Variants in DCDC2C observed in about 807,000 individuals in gnomAD.
DCDC2C encodes the protein doublecortin domain-containing protein 2C.
Under a neutral mutation model 45.0 loss-of-function variants are expected in DCDC2C, and 44 were observed. The ratio of observed to expected loss-of-function variants is 0.98; its 90% CI spans 0.77 to 1.26. The LOEUF (loss-of-function observed/expected upper bound fraction) is 1.26. Ranked by LOEUF, DCDC2C falls within the 50% of genes most tolerant of loss-of-function variation. The probability of loss-of-function intolerance (pLI) is 0.00; values close to 1 mark genes in which losing one functional copy is unlikely to be tolerated. For missense variants in DCDC2C, 447 were observed against 468.9 expected (o/e 0.95, Z 0.43); for synonymous variants, 187 against 178.8 (o/e 1.05, Z -0.37).
chr2:3,711,234 A>G (rs915252620), intron 2 of DCDC2C, among the ~76,000 whole-genome samples: 93 of 152,348 alleles, frequency 6.1e-4, no homozygotes, highest in African/African-American at 2.2e-3. Flanking sequence ...CAGCATGGTG[A>G]CTGCTCAAAG....
chr2:3,778,918 G>A, intron 9 of DCDC2C, 34 bp downstream of exon 9: 1 of 1,536,556 alleles, frequency 6.5e-7, no homozygotes, highest in Non-Finnish European at 8.8e-7. Flanking sequence ...TAATGGCTTG[G>A]ATCTAAGGCA....
intron 3 of DCDC2C, among the ~76,000 whole-genome samples, chr2:3,740,939 G>A (rs1669187207): frequency 6.6e-6 from 1 of 152,124 alleles, no homozygotes; most frequent in South Asian, 2.1e-4. Context: ...GAATTGCAAA[G>A]TTGAGCTTAT....
chr2:3,739,513 CAA>C (rs1360447938), intron 3 of DCDC2C, among the ~76,000 whole-genome samples: 1 of 152,224 alleles, frequency 6.6e-6, no homozygotes, highest in Non-Finnish European at 1.5e-5. Flanking sequence ...GGCTGAACGT[CAA>C]GAGGAACGCA....
At position 3,776,682 on chromosome 2, in the gene DCDC2C, C is replaced by T. The variant is rs532883868; in HGVS notation, c.955-2134C>T. On this transcript the variant is annotated intron_variant, in intron 8 of 10. Coordinates refer to ENST00000399143, the MANE Select transcript of DCDC2C (RefSeq NM_001287444.2). The stretch of plus-strand genomic sequence containing the variant: ...ATCTTCTCCTCTCACTCTGGATGTC[C>T]TCTCTATGTGATATAAAATTCTGTA... 2.6e-5 allele frequency among the ~76,000 whole-genome samples: 4 copies of T among 152,302 alleles called. No homozygotes were observed. In the East Asian group the frequency reaches 7.7e-4, roughly 29 times the overall value.
At chr2:3,824,395 C>A (rs548507812) in intron 10 of DCDC2C, among the ~76,000 whole-genome samples, 3 of 152,300 alleles carry the variant, frequency 2.0e-5, no homozygotes, top group African/African-American at 7.2e-5. Flanking sequence ...AATGAAAAGG[C>A]TTGACTGTGT....
chr2:3,818,815 A>G lies in DCDC2C; in HGVS notation c.1066-28339A>G, dbSNP rs760262083. On this transcript the variant is annotated intron_variant, in intron 10 of 10. Transcript: ENST00000399143. The surrounding 1 kb of genome is among the most constrained non-coding windows in gnomAD (Gnocchi z 4.7). ...CTTTGAACTGGGGAAAAGGGTGGCA[A>G]TGAGGTGTGGCTGTAGCCCAGGAAT... Among the ~76,000 whole-genome samples, 2 of 152,220 alleles carry G rather than the reference A, an allele frequency of 1.3e-5. No individual in the cohort carries two copies. The highest frequency in any genetic ancestry group is 4.1e-4 in the South Asian group (2 of 4,826).
intron 10 of DCDC2C, among the ~76,000 whole-genome samples, chr2:3,791,046 C>T (rs888829667): frequency 1.3e-5 from 2 of 152,164 alleles, no homozygotes; most frequent in Admixed American, 1.3e-4. Context: ...CGAGGCAGAG[C>T]TTGCAGGAGC....
In DCDC2C at chr2:3,720,441, C is replaced by T. The variant is rs557327899; in HGVS notation, c.340-6562C>T. On this transcript the variant is annotated intron_variant, in intron 2 of 10. Transcript: ENST00000399143. ...GAAGAGGACATAGGAGGTCAGATGA[C>T]AGTAGCTCCAGTTGTATTAGACACT... Among the ~76,000 whole-genome samples, 16 of 152,322 alleles carry T rather than the reference C, an allele frequency of 1.1e-4. No individual in the cohort carries two copies. The South Asian group carries it at 2.7e-3, about 26-fold the overall frequency.
chr2:3,779,007 G>A (rs13035992), intron 9 of DCDC2C, 123 bp downstream of exon 9: 324,442 of 935,914 alleles, frequency 0.35, 57,940 homozygotes, highest in South Asian at 0.45. Flanking sequence ...ACAAGCCAGC[G>A]CGGAATCGGA....
chr2:3,757,588 A>T (rs948521477), intron 6 of DCDC2C, among the ~76,000 whole-genome samples: 1 of 152,200 alleles, frequency 6.6e-6, no homozygotes, highest in African/African-American at 2.4e-5. Flanking sequence ...TCATTGATTC[A>T]TCTGGTCGTC....
At chr2:3,790,636 T>C (rs13396069) in intron 10 of DCDC2C, among the ~76,000 whole-genome samples, 54,710 of 152,038 alleles carry the variant, frequency 0.36, 10,429 homozygotes, top group East Asian at 0.53. Flanking sequence ...GTATCTTTAC[T>C]GTTTTTTCTC....
At chr2:3,767,368 G>C (rs1378135007) in intron 6 of DCDC2C, among the ~76,000 whole-genome samples, 1 of 152,226 alleles carries the variant, frequency 6.6e-6, no homozygotes, top group Non-Finnish European at 1.5e-5. Flanking sequence ...TGTGATGCTT[G>C]TTGAACAGCA....
chr2:3,720,597 G>C (rs1572557090), intron 2 of DCDC2C, among the ~76,000 whole-genome samples: 1 of 152,182 alleles, frequency 6.6e-6, no homozygotes, highest in East Asian at 1.9e-4. Flanking sequence ...ACTCTCAATG[G>C]GATGTAGGAT....
chr2:3,747,148 G>A (rs11891305), intron 4 of DCDC2C, among the ~76,000 whole-genome samples: 4,027 of 152,260 alleles, frequency 0.026, 188 homozygotes, highest in African/African-American at 0.09. Context: ...ACACATGCAC[G>A]CAGCACACAG....
Position 3,787,808 on chromosome 2 carries a change from T to C in DCDC2C, c.1065+2708T>C, listed in dbSNP as rs181476607. 8.5e-5 allele frequency among the ~76,000 whole-genome samples: 13 copies of C among 152,294 alleles called. No homozygotes were observed. In the East Asian group the frequency reaches 1.7e-3, roughly 20 times the overall value. On this transcript the variant is annotated intron_variant, in intron 10 of 10. Transcript: ENST00000399143. ...TTTTAAATTTACTTTTTGTGTAGAG[T>C]ATTAAGAAGGTTGAAACTTGTCAAA... is the stretch of plus-strand genomic sequence containing the variant.
At chr2:3,723,402 G>T (rs1248701163) in intron 2 of DCDC2C, among the ~76,000 whole-genome samples, 3 of 152,184 alleles carry the variant, frequency 2.0e-5, no homozygotes, top group African/African-American at 7.2e-5. Context: ...AAGTAAGAGG[G>T]GCAAACCAGA....
At chr2:3,730,647 C>T (rs357947) in intron 3 of DCDC2C, among the ~76,000 whole-genome samples, 125,923 of 152,068 alleles carry the variant, frequency 0.83, 52,428 homozygotes, top group South Asian at 0.93. Flanking sequence ...GAGATAACGA[C>T]TGGTCAGCTG....
intron 3 of DCDC2C, among the ~76,000 whole-genome samples, chr2:3,737,557 A>G (rs1269658726): frequency 6.6e-6 from 1 of 152,180 alleles, no homozygotes; most frequent in Non-Finnish European, 1.5e-5. Context: ...CAGAGAAGAC[A>G]TAAGTGGGTA....
chr2:3,790,951 A>T (rs1386507981), intron 10 of DCDC2C, among the ~76,000 whole-genome samples: 1 of 152,106 alleles, frequency 6.6e-6, no homozygotes, highest in Non-Finnish European at 1.5e-5. Flanking sequence ...TACTAAAAAT[A>T]TAAAAAAAAT....
Sources: gnomAD v4.1 joint callset for allele counts (sites outside exome capture counted in the v4.1 genomes callset) on GRCh38, gnomAD v4.1.1 for gene constraint, Gnocchi (gnomAD v3.1) non-coding constraint, MANE v1.5 for transcripts, NCBI Gene and HGNC (gene_info 2026-07-23, HGNC 2026-07-21) for gene names.